Variants in SAMD12 observed in about 807,000 individuals in gnomAD.
The protein encoded by SAMD12 is sterile alpha motif domain-containing protein 12.
In SAMD12, 9 loss-of-function variants were observed where a neutral mutation model predicts 15.0. The ratio of observed to expected loss-of-function variants is 0.60; its 90% confidence interval spans 0.36 to 1.05. SAMD12 has a LOEUF of 1.05. Ranked by LOEUF, SAMD12 falls within the 50% of genes least tolerant of loss-of-function variation. The pLI, the probability that SAMD12 is intolerant of heterozygous loss-of-function variation, is 0.01. For missense variants in SAMD12, 230 were observed against 234.2 expected, an observed-to-expected ratio of 0.98 and a Z score of 0.12; for synonymous variants, 86 against 90.1, an observed-to-expected ratio of 0.96 and a Z score of 0.25.
intron 4 of SAMD12, among the ~76,000 whole-genome samples, chr8:118,321,833 GGAT>G (rs147818343): frequency 0.027 from 4,161 of 152,068 alleles, 167 homozygotes; most frequent in African/African-American, 0.093. Flanking sequence ...TGTAAAATGA[GGAT>G]GATAATAATA....
the SAMD12 span, among the ~76,000 whole-genome samples, chr8:118,157,214 GC>G: frequency 6.6e-6 from 1 of 152,146 alleles, no homozygotes; most frequent in Non-Finnish European, 1.5e-5. Context: ...ATGTAGTCTT[GC>G]CATGAAGTAC....
At chr8:118,551,358 C>A (rs1826329061) in intron 2 of SAMD12, among the ~76,000 whole-genome samples, 1 of 152,024 alleles carries the variant, frequency 6.6e-6, no homozygotes, top group African/African-American at 2.4e-5. Flanking sequence ...AACTAGAACT[C>A]AGGATTAAGA....
chr8:118,489,451 A>G (rs1321928753), intron 2 of SAMD12, among the ~76,000 whole-genome samples: 26 of 152,146 alleles, frequency 1.7e-4, no homozygotes, highest in Admixed American at 1.7e-3. Context: ...CAACTTTAAA[A>G]ATATTCTAGT....
At chr8:118,352,648 G>A (rs1818011680) in intron 4 of SAMD12, among the ~76,000 whole-genome samples, 2 of 152,156 alleles carry the variant, frequency 1.3e-5, no homozygotes, top group Admixed American at 6.5e-5. Flanking sequence ...TTAACTAACC[G>A]TGTTTGAGAA....
downstream of SAMD12, among the ~76,000 whole-genome samples, chr8:118,185,129 T>C (rs1292230770): frequency 6.6e-6 from 1 of 152,144 alleles, no homozygotes; most frequent in African/African-American, 2.4e-5. Flanking sequence ...GAGACAAAAA[T>C]ATTTGTAAAA....
intron 2 of SAMD12, among the ~76,000 whole-genome samples, chr8:118,475,020 C>G (rs1823911835): frequency 6.6e-6 from 1 of 152,124 alleles, no homozygotes; most frequent in Admixed American, 6.5e-5. Context: ...GGGCGGATCA[C>G]TTGAGGTCAG....
At chr8:118,318,306 A>ATG (rs1245583708) in intron 4 of SAMD12, among the ~76,000 whole-genome samples, 965 of 82,018 alleles carry the variant, frequency 0.012, 18 homozygotes, top group African/African-American at 0.043. Flanking sequence ...TGGGAGATAT[A>ATG]TGTGTATATA....
the SAMD12 span, among the ~76,000 whole-genome samples, chr8:118,134,207 A>G: frequency 6.6e-6 from 1 of 152,226 alleles, no homozygotes; most frequent in African/African-American, 2.4e-5. Flanking sequence ...TCTCATCTGT[A>G]TAATTTTCTT....
the SAMD12 span, among the ~76,000 whole-genome samples, chr8:118,178,157 A>C: frequency 6.6e-6 from 1 of 152,210 alleles, no homozygotes; most frequent in African/African-American, 2.4e-5. Context: ...TAAAACACTA[A>C]ATGTTTGAGA....
intron 2 of SAMD12, among the ~76,000 whole-genome samples, chr8:118,526,116 T>G (rs2131104026): frequency 6.6e-6 from 1 of 152,322 alleles, no homozygotes; most frequent in East Asian, 1.9e-4. Context: ...CCATAGATAA[T>G]AAATAACACT....
rs1033876936 is a variant in SAMD12, at chr8:118,286,448, C to T, written c.434-88716G>A. ...TGTTTCCTGTTTCTCAGCAATCTCT[C>T]TTCCTTCTTTCTTCTGAAATCCTTC... On this transcript the variant is annotated intron_variant, in intron 4 of 4. Coordinates refer to the SAMD12 transcript ENST00000409003. Among the ~76,000 whole-genome samples, 5 of 152,314 alleles carry T rather than the reference C, an allele frequency of 3.3e-5. No individual in the cohort carries two copies. The South Asian group carries it at 1.0e-3, about 32-fold the overall frequency.
chr8:118,163,602 G>A, the SAMD12 span, among the ~76,000 whole-genome samples: 5 of 150,146 alleles, frequency 3.3e-5, no homozygotes, highest in Admixed American at 2.0e-4. Flanking sequence ...TCAGCCGGGT[G>A]CGGTGGCTCA....
intron 2 of SAMD12, among the ~76,000 whole-genome samples, chr8:118,551,188 T>A (rs1304772819): frequency 2.6e-5 from 4 of 152,166 alleles, no homozygotes; most frequent in African/African-American, 7.2e-5. Context: ...AATAGACATC[T>A]ACAGAACTCT....
At chr8:118,496,958 G>A (rs1181977543) in intron 2 of SAMD12, among the ~76,000 whole-genome samples, 4 of 151,182 alleles carry the variant, frequency 2.6e-5, no homozygotes, top group African/African-American at 7.3e-5. Context: ...TAGCCAACAA[G>A]CATATGAAAA....
intron 2 of SAMD12, among the ~76,000 whole-genome samples, chr8:118,464,666 G>A (rs1823534034): frequency 6.6e-6 from 1 of 152,040 alleles, no homozygotes; most frequent in African/African-American, 2.4e-5. Context: ...TTTATTTTGA[G>A]CAAACATAGT....
At chr8:118,492,343 T>A (rs1048975092) in intron 2 of SAMD12, among the ~76,000 whole-genome samples, 19 of 152,196 alleles carry the variant, frequency 1.2e-4, no homozygotes, top group African/African-American at 3.9e-4. Context: ...TTTGTATGAC[T>A]TATTTATATA....
intron 3 of SAMD12, among the ~76,000 whole-genome samples, chr8:118,434,538 A>G (rs4876417): frequency 0.58 from 88,537 of 151,942 alleles, 26,740 homozygotes; most frequent in Admixed American, 0.66. Flanking sequence ...AACGAGGTGA[A>G]GTGATGTTAG....
chr8:118,359,120 T>G (rs947645577), intron 4 of SAMD12, among the ~76,000 whole-genome samples: 1 of 152,110 alleles, frequency 6.6e-6, no homozygotes, highest in Non-Finnish European at 1.5e-5. Flanking sequence ...GTTAAAATAT[T>G]AATCCCTAGT....
chr8:118,153,977 C>G, the SAMD12 span, among the ~76,000 whole-genome samples: 2 of 152,220 alleles, frequency 1.3e-5, no homozygotes, highest in African/African-American at 4.8e-5. Flanking sequence ...TTTAGATCCT[C>G]TTTGTCTTTT....
Sources: gnomAD v4.1 joint callset for allele counts (sites outside exome capture counted in the v4.1 genomes callset) on GRCh38, gnomAD v4.1.1 for gene constraint, MANE v1.5 for transcripts, NCBI Gene and HGNC (gene_info 2026-07-23, HGNC 2026-07-21) for gene names.